The following POLH variants were observed in gnomAD, a reference collection of about 807,000 sequenced individuals.
POLH encodes DNA polymerase eta.
Under a neutral mutation model 73.6 loss-of-function variants are expected in POLH, and 53 were observed. The ratio of observed to expected loss-of-function variants is 0.72; its 90% confidence interval spans 0.58 to 0.91. The LOEUF is 0.91. Among genes scored for constraint, POLH ranks in the 40% least tolerant of loss-of-function variants. The pLI is 0.00. For synonymous variants in POLH, 292 were observed against 308.5 expected (o/e 0.95, Z 0.56); for missense variants, 768 against 865.4 (o/e 0.89, Z 1.41).
intron 4 of POLH, 152 bp from the exon 5 acceptor site, chr6:43,597,544 C>T (rs1202140412): frequency 1.5e-6 from 1 of 669,176 alleles, no homozygotes; most frequent in Non-Finnish European, 2.6e-6. Flanking sequence ...AGAAATTGAG[C>T]TCTCTTATAA....
intron 1 of POLH, among the ~76,000 whole-genome samples, chr6:43,577,907 AC>A (rs1449728674): frequency 6.6e-6 from 1 of 150,396 alleles, no homozygotes; most frequent in Non-Finnish European, 1.5e-5. Context: ...ACACGGTGAA[AC>A]CCCGTCTCTA....
Position 43,616,138 on chromosome 6 carries a change from GGT to G in POLH, c.*1583_*1584del, listed in dbSNP as rs1768320595. Among the ~76,000 whole-genome samples, 2 of 152,014 alleles carry G rather than the reference GGT, an allele frequency of 1.3e-5. No homozygotes were observed. Among genetic ancestry groups the G allele is most frequent in the Admixed American group, 6.5e-5 (1 of 15,270 alleles). On this transcript the variant is annotated 3_prime_UTR_variant, in exon 11 of 11. Transcript: ENST00000372236. ...AAAAAATACAAAAAAAAATTAGCCG[GGT>G]GCGGTGGCAGGCGCCTGTAGTCCCA...
In POLH at chr6:43,615,976, C is replaced by CA. The variant is rs944299439; in HGVS notation, c.*1426dup. Among the ~76,000 whole-genome samples, 9 of 151,436 alleles carry CA rather than the reference C, an allele frequency of 5.9e-5. No individual in the cohort carries two copies. Among genetic ancestry groups the CA allele is most frequent in the Middle Eastern group, 3.4e-3 (1 of 294 alleles). ...TGTTAGCCACCGATCCTGGCCCCCC[C>CA]AAAAAAAGGATTTTAAGAAAAACTT... On this transcript the variant is annotated 3_prime_UTR_variant, in exon 11 of 11. Transcript: ENST00000372236.
In POLH at chr6:43,614,483, GC is replaced by G. The variant is rs1416293183; in HGVS notation, c.2070del (p.Cys691AlafsTer21). On this transcript the variant is annotated frameshift_variant, in exon 11 of 11. Transcript: ENST00000372236. LOFTEE classifies it high-confidence loss of function. ...CAAAAGAAATCCCAAGAGCCCTTTG[GC>G]CTGCACTAATAAACGCCCCAGGCCT... ...QGKRNPKSPL[A>X]CTNKRPRPEG... is the part of the protein sequence containing the mutation. The G allele has an allele frequency of 5.6e-6, 9 of 1,614,008 alleles. No homozygotes were observed. The East Asian group carries it at 2.0e-4, about 36-fold the overall frequency.
intron 4 of POLH, among the ~76,000 whole-genome samples, chr6:43,593,140 C>T (rs1294044335): frequency 1.3e-5 from 2 of 152,174 alleles, no homozygotes; most frequent in Non-Finnish European, 2.9e-5. Flanking sequence ...CTGGAACTAT[C>T]GGCATGTGCC....
chr6:43,611,989 G>C (rs190944941), intron 10 of POLH, among the ~76,000 whole-genome samples: 53 of 152,208 alleles, frequency 3.5e-4, no homozygotes, highest in African/African-American at 1.2e-3. Flanking sequence ...CTGGGAGGTG[G>C]AGGTTGCGGT....
rs1380707001 is a variant in POLH, at chr6:43,617,848, A to T, written c.*3291A>T. Among the ~76,000 whole-genome samples the T allele has an allele frequency of 6.6e-6, 1 of 152,068 alleles. No homozygotes were observed. The highest frequency in any genetic ancestry group is 1.5e-5 in the Non-Finnish European group (1 of 68,014). ...AGGCAGAAGAATTGCTTGACCTGGG[A>T]GGCGGAGCTTGCAGTGAGCCCAGAT... On this transcript the variant is annotated 3_prime_UTR_variant, in exon 11 of 11. Transcript: ENST00000372236.
chr6:43,587,002 G>C (rs192901507), intron 3 of POLH, among the ~76,000 whole-genome samples: 23 of 152,252 alleles, frequency 1.5e-4, no homozygotes, highest in Middle Eastern at 6.8e-3. Context: ...TTGTCATATA[G>C]ACGTGTTCAT....
chr6:43,614,926 G>A lies in POLH; in HGVS notation c.*369G>A, dbSNP rs1014459881. The A allele has an allele frequency of 4.3e-6, 1 of 232,446 alleles. No individual in the cohort carries two copies. The highest frequency in any genetic ancestry group is 6.4e-5 in the South Asian group (1 of 15,604). 14.4% of individuals were successfully genotyped at this position (232,446 alleles called of 1,614,324 possible). On this transcript the variant is annotated 3_prime_UTR_variant, in exon 11 of 11. Transcript: ENST00000372236. ...TTCTTCACATTCTCATCTGTAAAATGGAGATAATACCTTACAGATTATTGC... is the reference window on the plus strand; with the variant it reads ...TTCTTCACATTCTCATCTGTAAAATAGAGATAATACCTTACAGATTATTGC...
At chr6:43,604,553 GT>G in intron 7 of POLH, 61 bp from the exon 8 acceptor site, 1 of 1,559,160 alleles carries the variant, frequency 6.4e-7, no homozygotes, top group Admixed American at 1.7e-5. Context: ...TAGTTATTTG[GT>G]TTTGTTTTAA....
At chr6:43,590,163 C>G (rs1413164253) in intron 4 of POLH, among the ~76,000 whole-genome samples, 1 of 151,002 alleles carries the variant, frequency 6.6e-6, no homozygotes, top group Admixed American at 6.6e-5. Flanking sequence ...TCAAGACCAG[C>G]CTGGCCAAGA....
chr6:43,602,962 C>T (rs1766891333), intron 6 of POLH, among the ~76,000 whole-genome samples: 1 of 151,000 alleles, frequency 6.6e-6, no homozygotes, highest in Non-Finnish European at 1.5e-5. Flanking sequence ...ACCACTGTGC[C>T]CAGCTGACTG....
intron 10 of POLH, among the ~76,000 whole-genome samples, chr6:43,611,601 ATATAAT>A (rs1210462748): frequency 6.6e-6 from 1 of 152,216 alleles, no homozygotes; most frequent in African/African-American, 2.4e-5. Flanking sequence ...CACAATAGAA[ATATAAT>A]TATGAGAGAG....
At chr6:43,604,307 G>T (rs1767039195) in intron 7 of POLH, among the ~76,000 whole-genome samples, 1 of 152,164 alleles carries the variant, frequency 6.6e-6, no homozygotes, top group Admixed American at 6.5e-5. Flanking sequence ...AAATCCTTGT[G>T]TTTAATGCCC....
rs1767144541 is a variant in POLH, at chr6:43,605,242, A to G, written c.1009-12A>G. ...GTTTAAATGAAAGATTAAAGTCTCA[A>G]TACTTTTTTAGGTACAATGGTGGCT... On this transcript the variant is annotated splice_polypyrimidine_tract_variant and intron_variant, in intron 8 of 10. Coordinates refer to ENST00000372236, the MANE Select transcript of POLH (RefSeq NM_006502.3). The G allele has an allele frequency of 3.3e-6, 5 of 1,514,894 alleles. No homozygotes were observed. The highest frequency in any genetic ancestry group is 4.6e-6 in the Non-Finnish European group (5 of 1,090,232). The allele number at this position is 1,514,894 out of a possible 1,614,324, so 93.8% of individuals were successfully genotyped here.
intron 1 of POLH, among the ~76,000 whole-genome samples, chr6:43,579,012 A>T (rs1763711999): frequency 6.6e-6 from 1 of 152,190 alleles, no homozygotes; most frequent in African/African-American, 2.4e-5. Context: ...AATTGTACTA[A>T]TTTATCCTTA....
At chr6:43,595,469 C>T (rs746880626) in intron 4 of POLH, among the ~76,000 whole-genome samples, 5 of 150,780 alleles carry the variant, frequency 3.3e-5, no homozygotes, top group African/African-American at 4.9e-5. Flanking sequence ...GTTCCTTGGC[C>T]GGGCGCAGTG....
chr6:43,614,444 G>C lies in POLH; in HGVS notation c.2029G>C (p.Val677Leu), dbSNP rs781567279. The part of the protein sequence containing the change: ...HSSNPQVVSA[V>L]SHQGKRNPKS... ...TTCAAACCCCCAGGTTGTTTCTGCC[G>C]TATCTCATCAAGGCAAAAGAAATCC... Residue 677 changes from valine to leucine, a missense_variant, in exon 11 of 11, where the codon GTA (valine) becomes CTA (leucine). Transcript: ENST00000372236. The C allele has an allele frequency of 5.0e-6, 8 of 1,614,096 alleles. No individual in the cohort carries two copies. The highest frequency in any genetic ancestry group is 5.9e-6 in the Non-Finnish European group (7 of 1,180,014).
At chr6:43,603,853 T>A (rs1309298042) in intron 6 of POLH, 39 bp from the exon 7 acceptor site, 1 of 1,608,282 alleles carries the variant, frequency 6.2e-7, no homozygotes, top group Non-Finnish European at 8.5e-7. Context: ...TAGATAGTTA[T>A]GATGTGACCT....
Sources: gnomAD v4.1 joint callset for allele counts (sites outside exome capture counted in the v4.1 genomes callset) on GRCh38, gnomAD v4.1.1 for gene constraint, MANE v1.5 for transcripts, NCBI Gene and HGNC (gene_info 2026-07-23, HGNC 2026-07-21) for gene names.